Variants in NECTIN2 observed in about 807,000 individuals in gnomAD.
NECTIN2 encodes nectin cell adhesion molecule 2.
NECTIN2 carries 23 observed loss-of-function variants against 56.9 expected under a neutral mutation model. The ratio of observed to expected loss-of-function variants is 0.40; its 90% confidence interval spans 0.29 to 0.57. NECTIN2 has a LOEUF of 0.57. NECTIN2 is among the 20% of genes least tolerant of loss of function. NECTIN2 has a pLI of 0.38. For missense variants in NECTIN2, 587 were observed against 718.3 expected, an observed-to-expected ratio of 0.82 and a Z score of 2.09; for synonymous variants, 302 against 313.8, an observed-to-expected ratio of 0.96 and a Z score of 0.40.
intron 1 of NECTIN2, among the ~76,000 whole-genome samples, chr19:44,848,167 C>T (rs1427078779): frequency 1.3e-5 from 2 of 152,182 alleles, no homozygotes; most frequent in East Asian, 3.9e-4. Context: ...ACTCCGCTTC[C>T]ATCCCCTGCC....
At chr19:44,849,542 C>A (rs1384850146) in intron 1 of NECTIN2, among the ~76,000 whole-genome samples, 1 of 152,096 alleles carries the variant, frequency 6.6e-6, no homozygotes, top group Non-Finnish European at 1.5e-5. Context: ...AATGTCCCAG[C>A]AGTGCTGACA....
At position 44,888,175 on chromosome 19, in the gene NECTIN2, C is replaced by G. The variant is rs754098449; in HGVS notation, c.1413C>G (p.Ala471=). 3 of 1,614,070 alleles carry G rather than the reference C, an allele frequency of 1.9e-6. No homozygotes were observed. The highest frequency in any genetic ancestry group is 1.3e-5 in the African/African-American group (1 of 74,912). The change falls in exon 9 of 9, where the codon GCC becomes GCG. Residue 471 remains alanine, a synonymous_variant. Transcript: ENST00000252483. The part of the protein sequence containing the change: ...EERSGPLHPG[A]TSLGSPIPVP... ...GGTCAGGACCCTTGCACCCTGGAGC[C>G]ACAAGCCTGGGGTCCCCCATCCCGG...
chr19:44,858,918 C>T (rs1969001031), intron 1 of NECTIN2, among the ~76,000 whole-genome samples: 1 of 152,236 alleles, frequency 6.6e-6, no homozygotes, highest in African/African-American at 2.4e-5. Flanking sequence ...GCTGGGATTA[C>T]AGGTGTGAGC....
intron 2 of NECTIN2, among the ~76,000 whole-genome samples, chr19:44,868,709 C>G (rs1215378543): frequency 6.7e-6 from 1 of 149,916 alleles, no homozygotes; most frequent in Non-Finnish European, 1.5e-5. Context: ...GTCAGGAAAT[C>G]GAGACCATCC....
intron 2 of NECTIN2, among the ~76,000 whole-genome samples, chr19:44,866,127 G>A (rs965559932): frequency 6.6e-6 from 1 of 151,742 alleles, no homozygotes; most frequent in African/African-American, 2.4e-5. Context: ...AGCCGAGATT[G>A]TGCCACCACT....
At chr19:44,887,129 C>T (rs1414101820) in intron 8 of NECTIN2, among the ~76,000 whole-genome samples, 1 of 152,110 alleles carries the variant, frequency 6.6e-6, no homozygotes, top group Non-Finnish European at 1.5e-5. Context: ...ACGGGCAGAT[C>T]ACCTGACGTC....
chr19:44,850,613 C>G (rs1024228417), intron 1 of NECTIN2, among the ~76,000 whole-genome samples: 2 of 152,096 alleles, frequency 1.3e-5, no homozygotes, highest in Non-Finnish European at 2.9e-5. Flanking sequence ...CCACAGTACT[C>G]CACCCTGGGC....
At chr19:44,876,946 C>T (rs1969245901) in intron 5 of NECTIN2, among the ~76,000 whole-genome samples, 1 of 152,092 alleles carries the variant, frequency 6.6e-6, no homozygotes, top group Non-Finnish European at 1.5e-5. Context: ...ACACCAATGC[C>T]ACCTCCAGAA....
intron 5 of NECTIN2, among the ~76,000 whole-genome samples, chr19:44,877,645 A>T (rs1969254800): frequency 6.6e-6 from 1 of 152,260 alleles, no homozygotes; most frequent in African/African-American, 2.4e-5. Context: ...GGGATCAGAC[A>T]GCCTCCCACT....
intron 1 of NECTIN2, among the ~76,000 whole-genome samples, chr19:44,851,373 G>A (rs1968898071): frequency 6.7e-6 from 1 of 149,542 alleles, no homozygotes; most frequent in African/African-American, 2.5e-5. Context: ...TCAAACCTGG[G>A]AGTCTAGGCC....
chr19:44,846,670 C>T, intron 1 of NECTIN2, 57 bp downstream of exon 1: 2 of 1,494,692 alleles, frequency 1.3e-6, no homozygotes, highest in Non-Finnish European at 1.8e-6. Context: ...CCTTACCTTC[C>T]GAGCTGGGGA....
intron 1 of NECTIN2, among the ~76,000 whole-genome samples, chr19:44,859,596 G>A (rs1338063962): frequency 2.0e-5 from 3 of 152,190 alleles, no homozygotes; most frequent in African/African-American, 7.2e-5. Context: ...GGCCAAGGCG[G>A]GTGGATCACC....
chr19:44,876,077 A>G (rs894907644), intron 5 of NECTIN2, among the ~76,000 whole-genome samples: 2 of 151,934 alleles, frequency 1.3e-5, no homozygotes, highest in African/African-American at 2.4e-5. Flanking sequence ...CTTCCCAGGA[A>G]CCCTCCCGAA....
At chr19:44,847,501 A>G (rs1241925612) in intron 1 of NECTIN2, among the ~76,000 whole-genome samples, 1 of 152,142 alleles carries the variant, frequency 6.6e-6, no homozygotes, top group Non-Finnish European at 1.5e-5. Context: ...AGATCCAAAC[A>G]GAAGTGCGAG....
chr19:44,871,288 G>T (rs910996089), intron 2 of NECTIN2, among the ~76,000 whole-genome samples: 1 of 152,168 alleles, frequency 6.6e-6, no homozygotes, highest in African/African-American at 2.4e-5. Context: ...GAGCTTTGGG[G>T]AGCCGAGGTG....
intron 5 of NECTIN2, among the ~76,000 whole-genome samples, chr19:44,878,047 CCCTCCT>C (rs936486377): frequency 3.3e-5 from 5 of 150,206 alleles, no homozygotes; most frequent in Non-Finnish European, 5.9e-5. Flanking sequence ...TTCCCCACCC[CCCTCCT>C]CCTCCTCCTC....
At chr19:44,862,992 C>CA (rs57740346) in intron 1 of NECTIN2, among the ~76,000 whole-genome samples, 39,764 of 122,238 alleles carry the variant, frequency 0.33, 6,764 homozygotes, top group East Asian at 0.59. Flanking sequence ...ACTAAAAATA[C>CA]AAAAAAAAAA....
At chr19:44,847,651 A>G (rs940454602) in intron 1 of NECTIN2, among the ~76,000 whole-genome samples, 1 of 152,014 alleles carries the variant, frequency 6.6e-6, no homozygotes, top group African/African-American at 2.4e-5. Context: ...CCCTTTCCCT[A>G]TGAATGGTCG....
At chr19:44,878,757 GA>G in intron 5 of NECTIN2, 1 of 1,440,856 alleles carries the variant, frequency 6.9e-7, no homozygotes, top group South Asian at 1.5e-5. Flanking sequence ...ACTTTCTTGG[GA>G]CTTGGAGGGA....
Sources: allele counts gnomAD v4.1 joint callset (sites outside exome capture counted in the v4.1 genomes callset), GRCh38; gene constraint gnomAD v4.1.1; transcripts MANE v1.5; gene names NCBI Gene and HGNC (gene_info 2026-07-23, HGNC 2026-07-21).